The following RAB10 variants were observed in gnomAD, a reference collection of about 807,000 sequenced individuals.
RAB10 encodes the protein ras-related protein Rab-10.
In RAB10, 5 loss-of-function variants were observed where a neutral mutation model predicts 25.7. The observed-to-expected ratio is 0.19, with a 90% CI of 0.10 to 0.41. The LOEUF (loss-of-function observed/expected upper bound fraction) is 0.41. Among genes scored for constraint, RAB10 ranks in the 10% least tolerant of loss-of-function variants. The pLI is 1.00. For synonymous variants in RAB10, 89 were observed against 86.4 expected (o/e 1.03, Z -0.16); for missense variants, 103 against 245.8 (o/e 0.42, Z 3.89).
At chr2:26,041,677 G>A (rs190357856) in intron 1 of RAB10, among the ~76,000 whole-genome samples, 434 of 151,970 alleles carry the variant, frequency 2.9e-3, no homozygotes, top group African/African-American at 8.9e-3. Context: ...AGACCGAGGC[G>A]GGCAGATCAC....
intron 2 of RAB10, chr2:26,101,552 C>T (rs571102232): frequency 1.6e-4 from 25 of 152,818 alleles, no homozygotes; most frequent in Admixed American, 1.3e-3. Flanking sequence ...TGATAGGGGT[C>T]ATCAGCAGCA....
At chr2:26,093,513 A>G (rs1042007743) in intron 1 of RAB10, among the ~76,000 whole-genome samples, 2 of 152,180 alleles carry the variant, frequency 1.3e-5, no homozygotes, top group Admixed American at 6.5e-5. Context: ...AGGTCTGTTT[A>G]TGTATTTAGA....
At chr2:26,109,675 A>G (rs1372279872) in intron 2 of RAB10, 93 bp from the exon 3 acceptor site, 34 of 1,273,794 alleles carry the variant, frequency 2.7e-5, no homozygotes, top group Non-Finnish European at 3.5e-5. Flanking sequence ...AAGTTTTTAT[A>G]TATACTTAGG....
chr2:26,073,361 C>G (rs556060386), intron 1 of RAB10, among the ~76,000 whole-genome samples: 11 of 152,266 alleles, frequency 7.2e-5, no homozygotes, highest in African/African-American at 2.4e-4. Flanking sequence ...TATCCCTTTG[C>G]TGATTAAGCA....
intron 1 of RAB10, among the ~76,000 whole-genome samples, chr2:26,089,321 G>A (rs749415650): frequency 1.3e-5 from 2 of 151,854 alleles, no homozygotes; most frequent in Non-Finnish European, 2.9e-5. Context: ...TACTCAGGAG[G>A]CTGAGGCAGG....
intron 1 of RAB10, among the ~76,000 whole-genome samples, chr2:26,091,534 G>T (rs1443215198): frequency 6.6e-6 from 1 of 152,110 alleles, no homozygotes; most frequent in East Asian, 1.9e-4. Flanking sequence ...AGGGTAGAGA[G>T]GGGTAGGTGG....
intron 2 of RAB10, among the ~76,000 whole-genome samples, chr2:26,104,949 G>A (rs1225085310): frequency 6.6e-6 from 1 of 152,010 alleles, no homozygotes; most frequent in Non-Finnish European, 1.5e-5. Context: ...GTGTTAGCCA[G>A]GATGGTCTCA....
At chr2:26,114,892 ACT>A (rs1304311517) in intron 3 of RAB10, among the ~76,000 whole-genome samples, 2 of 151,986 alleles carry the variant, frequency 1.3e-5, no homozygotes, top group African/African-American at 2.4e-5. Flanking sequence ...ACAGAGTGAG[ACT>A]CTGTCTCAAA....
intron 5 of RAB10, among the ~76,000 whole-genome samples, chr2:26,129,852 T>C (rs1667977210): frequency 6.6e-6 from 1 of 152,178 alleles, no homozygotes; most frequent in Non-Finnish European, 1.5e-5. Context: ...CTGACAGCAA[T>C]TAAAATAAGT....
At chr2:26,059,705 CCAAG>C (rs1384371764) in intron 1 of RAB10, among the ~76,000 whole-genome samples, 2 of 152,090 alleles carry the variant, frequency 1.3e-5, no homozygotes, top group African/African-American at 4.8e-5. Context: ...TTCACAATAG[CCAAG>C]AGGTGGAGAC....
intron 4 of RAB10, 65 bp downstream of exon 4, chr2:26,127,298 T>G (rs1667925976): frequency 1.0e-5 from 12 of 1,195,024 alleles, no homozygotes; most frequent in Non-Finnish European, 1.4e-5. Flanking sequence ...CTTTTGATTA[T>G]TTTTATAGTA....
At chr2:26,119,502 GTCT>G (rs1337948468) in intron 3 of RAB10, among the ~76,000 whole-genome samples, 1 of 151,536 alleles carries the variant, frequency 6.6e-6, no homozygotes, top group Non-Finnish European at 1.5e-5. Flanking sequence ...TGTATCCCAA[GTCT>G]TTTCAGGTCT....
intron 4 of RAB10, 23 bp from the exon 5 acceptor site, chr2:26,127,827 A>G: frequency 6.6e-7 from 1 of 1,523,874 alleles, no homozygotes; most frequent in East Asian, 2.3e-5. Flanking sequence ...TAATTTTATG[A>G]TGATATTTTG....
chr2:26,037,240 T>C (rs1277528665), intron 1 of RAB10, among the ~76,000 whole-genome samples: 2 of 152,164 alleles, frequency 1.3e-5, no homozygotes, highest in African/African-American at 4.8e-5. Flanking sequence ...TGGGAAGATG[T>C]GTGATGATTT....
Position 26,034,855 on chromosome 2 carries a change from C to T in RAB10, c.127+120C>T, listed in dbSNP as rs1024820033. The T allele has an allele frequency of 2.5e-5, 35 of 1,391,164 alleles. No individual in the cohort carries two copies. In the Admixed American group the frequency reaches 6.5e-4, roughly 26 times the overall value. 86.2% of individuals were successfully genotyped at this position (1,391,164 alleles called of 1,614,324 possible). A position where few individuals can be genotyped will look rare whatever the true frequency, so the allele number is the denominator to read the frequency against. Reference sequence around the variant, plus strand: ...TCAGTGATTCCGATTCCAAACGACACATCCAAGTTACTGTTTGAATCGGCA... The same window carrying T: ...TCAGTGATTCCGATTCCAAACGACATATCCAAGTTACTGTTTGAATCGGCA... On this transcript the variant is annotated intron_variant, in intron 1 of 5. Transcript: ENST00000264710.
intron 1 of RAB10, among the ~76,000 whole-genome samples, chr2:26,069,469 C>T (rs1666579125): frequency 6.6e-6 from 1 of 152,022 alleles, no homozygotes. Context: ...AGTTTGAGAC[C>T]AGCCTGGCCA....
intron 1 of RAB10, among the ~76,000 whole-genome samples, chr2:26,091,276 TA>T (rs1210117739): frequency 1.3e-5 from 2 of 152,126 alleles, no homozygotes; most frequent in African/African-American, 4.8e-5. Context: ...CGTTAAAGTT[TA>T]AAAGTCAGGA....
intron 1 of RAB10, among the ~76,000 whole-genome samples, chr2:26,063,031 C>T (rs964740567): frequency 9.3e-5 from 14 of 151,086 alleles, no homozygotes; most frequent in African/African-American, 3.2e-4. Flanking sequence ...AGGAGGATGG[C>T]TTGAATGCAG....
In RAB10 at chr2:26,137,250, T is replaced by G. The variant is rs1206242439; in HGVS notation, c.*2229T>G. 4 of 152,694 alleles carry G rather than the reference T, an allele frequency of 2.6e-5. No homozygotes were observed. Among genetic ancestry groups the G allele is most frequent in the Non-Finnish European group, 4.4e-5 (3 of 68,050 alleles). The allele number at this position is 152,694 out of a possible 1,614,324, so 9.5% of individuals were successfully genotyped here. On this transcript the variant is annotated 3_prime_UTR_variant, in exon 6 of 6. Transcript: ENST00000264710. ...AATCTGTTTGAAACATGAGTTTTATTTGCTTAATATTAGGGCTTTGCCCCT... is the reference window on the plus strand; with the variant it reads ...AATCTGTTTGAAACATGAGTTTTATGTGCTTAATATTAGGGCTTTGCCCCT...
Sources: allele counts gnomAD v4.1 joint callset (sites outside exome capture counted in the v4.1 genomes callset), GRCh38; gene constraint gnomAD v4.1.1; transcripts MANE v1.5; gene names NCBI Gene and HGNC (gene_info 2026-07-23, HGNC 2026-07-21).